TLE4: variants seen among roughly 807,000 people sequenced by gnomAD.
The protein encoded by TLE4 is TLE family member 4, transcriptional corepressor.
In TLE4, 8 loss-of-function variants were observed where a neutral mutation model predicts 92.8. That is an observed-to-expected ratio of 0.09 (90% CI 0.05 to 0.16). The LOEUF (loss-of-function observed/expected upper bound fraction) is 0.16, where lower values mean the gene tolerates loss of function less well. Ranked by LOEUF, TLE4 falls within the 10% of genes least tolerant of loss-of-function variation. The pLI, the probability that TLE4 is intolerant of heterozygous loss-of-function variation, is 1.00. For missense variants in TLE4, 675 were observed against 997.6 expected, an observed-to-expected ratio of 0.68 and a Z score of 4.36; for synonymous variants, 371 against 374.1, an observed-to-expected ratio of 0.99 and a Z score of 0.10.
chr9:79,662,442 A>T (rs1410748455), intron 8 of TLE4, among the ~76,000 whole-genome samples: 1 of 152,174 alleles, frequency 6.6e-6, no homozygotes, highest in Non-Finnish European at 1.5e-5. Context: ...ATTCTAGAGA[A>T]TTTTGAGAAT....
At chr9:79,615,169 C>T (rs190489510) in intron 5 of TLE4, among the ~76,000 whole-genome samples, 44 of 152,162 alleles carry the variant, frequency 2.9e-4, no homozygotes, top group Admixed American at 1.7e-3. Context: ...TGCCCTGAAG[C>T]CAGATGGACC....
At chr9:79,600,751 C>T (rs941367580) in intron 4 of TLE4, among the ~76,000 whole-genome samples, 1 of 152,138 alleles carries the variant, frequency 6.6e-6, no homozygotes, top group Non-Finnish European at 1.5e-5. Context: ...GCTCCCCAAG[C>T]CTGGCTCTAA....
intron 5 of TLE4, among the ~76,000 whole-genome samples, chr9:79,624,019 G>A (rs556464686): frequency 6.6e-6 from 1 of 152,060 alleles, no homozygotes. Context: ...AAGAGGAAAT[G>A]AGATGTGGGT....
At chr9:79,680,018 A>T (rs1379368135) in intron 8 of TLE4, among the ~76,000 whole-genome samples, 1 of 151,992 alleles carries the variant, frequency 6.6e-6, no homozygotes, top group Non-Finnish European at 1.5e-5. Flanking sequence ...TGGTTACTGT[A>T]GCCTTGTAGT....
chr9:79,598,554 C>A (rs1029661672), intron 4 of TLE4, among the ~76,000 whole-genome samples: 1 of 152,118 alleles, frequency 6.6e-6, no homozygotes, highest in Non-Finnish European at 1.5e-5. Flanking sequence ...TTAAAAATAC[C>A]CTGCATTCTG....
At chr9:79,632,102 G>A (rs542649904) in intron 6 of TLE4, among the ~76,000 whole-genome samples, 3 of 152,124 alleles carry the variant, frequency 2.0e-5, no homozygotes, top group South Asian at 2.1e-4. Context: ...CAGCCATAGC[G>A]CGAAGTGCTT....
intron 8 of TLE4, among the ~76,000 whole-genome samples, chr9:79,672,544 C>T (rs1317912454): frequency 1.3e-5 from 2 of 152,106 alleles, no homozygotes; most frequent in Non-Finnish European, 2.9e-5. Context: ...AACATGAGGC[C>T]ATATTTGAGG....
chr9:79,594,949 T>C (rs2043587640), intron 4 of TLE4, among the ~76,000 whole-genome samples: 1 of 152,198 alleles, frequency 6.6e-6, no homozygotes, highest in Non-Finnish European at 1.5e-5. Context: ...TTGGCAATTG[T>C]TTTTAGAAAT....
At chr9:79,623,699 GTTTTTTT>G (rs35464327) in intron 5 of TLE4, among the ~76,000 whole-genome samples, 1 of 137,298 alleles carries the variant, frequency 7.3e-6, no homozygotes, top group Non-Finnish European at 1.5e-5. Context: ...CAATCTAAGG[GTTTTTTT>G]TTTTTTTTTT....
chr9:79,653,915 C>T (rs2059392511), intron 7 of TLE4, 144 bp from the exon 8 acceptor site: 3 of 931,192 alleles, frequency 3.2e-6, no homozygotes, highest in African/African-American at 1.7e-5. Context: ...ATTAATTTTA[C>T]AGCACAGTTG....
chr9:79,717,111 T>C (rs2074649292), intron 14 of TLE4, among the ~76,000 whole-genome samples: 1 of 152,234 alleles, frequency 6.6e-6, no homozygotes, highest in Non-Finnish European at 1.5e-5. Flanking sequence ...TCTGGGATTC[T>C]TCTTTCCGTC....
intron 8 of TLE4, among the ~76,000 whole-genome samples, chr9:79,698,895 C>T (rs2068988101): frequency 2.1e-5 from 3 of 145,112 alleles, no homozygotes; most frequent in Non-Finnish European, 4.5e-5. Context: ...ATATGTATAT[C>T]CTGGTGGTTT....
At chr9:79,675,263 C>T (rs983561686) in intron 8 of TLE4, among the ~76,000 whole-genome samples, 1 of 152,132 alleles carries the variant, frequency 6.6e-6, no homozygotes. Context: ...TCTTTGTTTT[C>T]CTTTCCAGTA....
At chr9:79,607,265 G>C (rs1247543101) in intron 4 of TLE4, among the ~76,000 whole-genome samples, 1 of 152,088 alleles carries the variant, frequency 6.6e-6, no homozygotes, top group African/African-American at 2.4e-5. Context: ...GTAGATTCTG[G>C]ATATTAGCCT....
At chr9:79,670,810 T>C (rs1407833731) in intron 8 of TLE4, among the ~76,000 whole-genome samples, 1 of 152,168 alleles carries the variant, frequency 6.6e-6, no homozygotes. Flanking sequence ...TTGGCAGTCT[T>C]CTTCTCTATC....
intron 6 of TLE4, among the ~76,000 whole-genome samples, chr9:79,633,014 T>C (rs1281676886): frequency 6.6e-6 from 1 of 152,168 alleles, no homozygotes; most frequent in Non-Finnish European, 1.5e-5. Context: ...CTTTCTTCTT[T>C]ATCTTCTGTG....
chr9:79,582,516 A>G (rs906920868), intron 4 of TLE4, among the ~76,000 whole-genome samples: 3 of 152,188 alleles, frequency 2.0e-5, no homozygotes, highest in African/African-American at 7.2e-5. Context: ...TTGCTTTCCT[A>G]GAATACATCT....
At chr9:79,624,616 T>C (rs989133534) in intron 5 of TLE4, among the ~76,000 whole-genome samples, 3 of 152,252 alleles carry the variant, frequency 2.0e-5, no homozygotes, top group Non-Finnish European at 2.9e-5. Context: ...TTCTTTAGGC[T>C]GTCAGAGTTA....
chr9:79,643,583 C>G (rs2133983268), intron 6 of TLE4, among the ~76,000 whole-genome samples: 1 of 152,254 alleles, frequency 6.6e-6, no homozygotes, highest in South Asian at 2.1e-4. Flanking sequence ...GGCCAGTTTT[C>G]TGGAATCTTC....
Sources: gnomAD v4.1 joint callset for allele counts (sites outside exome capture counted in the v4.1 genomes callset) on GRCh38, gnomAD v4.1.1 for gene constraint, MANE v1.5 for transcripts, NCBI Gene and HGNC (gene_info 2026-07-23, HGNC 2026-07-21) for gene names.